FGF14: variants seen among roughly 807,000 people sequenced by gnomAD.
FGF14 encodes fibroblast growth factor homologous factor 4.
In FGF14, 5 loss-of-function variants were observed where a neutral mutation model predicts 25.5. The observed-to-expected ratio is 0.20, with a 90% CI of 0.10 to 0.41. FGF14 has a LOEUF of 0.41. FGF14 is among the 10% of genes least tolerant of loss of function. The pLI is 1.00. For synonymous variants in FGF14, 138 were observed against 118.3 expected (o/e 1.17, Z -1.08); for missense variants, 222 against 320.1 (o/e 0.69, Z 2.34).
At chr13:102,289,827 C>T (rs2054288863) in intron 1 of FGF14, among the ~76,000 whole-genome samples, 2 of 152,092 alleles carry the variant, frequency 1.3e-5, no homozygotes, top group African/African-American at 4.8e-5. Flanking sequence ...ATTTATGGTT[C>T]TCTTAATACC....
intron 3 of FGF14, among the ~76,000 whole-genome samples, chr13:101,788,965 G>GAGAGAGAGAGAT (rs2040073837): frequency 2.5e-5 from 2 of 80,602 alleles, no homozygotes; most frequent in Non-Finnish European, 5.6e-5. Context: ...GAGAGAGAGA[G>GAGAGAGAGAGAT]AGAGACAGAG....
intron 1 of FGF14, among the ~76,000 whole-genome samples, chr13:102,376,969 C>G (rs1163828952): frequency 2.0e-5 from 3 of 152,160 alleles, no homozygotes; most frequent in South Asian, 4.1e-4. Flanking sequence ...GAGAAATGCG[C>G]TTATTGGGCC....
intron 1 of FGF14, among the ~76,000 whole-genome samples, chr13:102,147,486 T>C (rs1380383636): frequency 1.3e-5 from 2 of 152,232 alleles, no homozygotes; most frequent in African/African-American, 4.8e-5. Flanking sequence ...AGAGCTTATG[T>C]GACACAAGGA....
At chr13:101,757,567 T>C (rs1177317216) in intron 3 of FGF14, among the ~76,000 whole-genome samples, 2 of 152,192 alleles carry the variant, frequency 1.3e-5, no homozygotes, top group African/African-American at 2.4e-5. Flanking sequence ...TAAACAGTTA[T>C]ACAATCCAAT....
rs76835892 is a variant in FGF14 at position 102,170,568 on chromosome 13, T to C, written c.208+230903A>G. On this transcript the variant is annotated intron_variant, in intron 1 of 4. Transcript: ENST00000376131. ...TTACAATCAGTTCAGTGCTGCAGTT[T>C]GGTGAAAGGCCGACAATGACCAAGG... is the stretch of plus-strand genomic sequence containing the variant. 4.3e-4 allele frequency among the ~76,000 whole-genome samples: 65 copies of C among 152,238 alleles called. 1 individual carries two copies. The East Asian group carries it at 0.011, about 26-fold the overall frequency.
intron 3 of FGF14, among the ~76,000 whole-genome samples, chr13:101,828,789 C>T (rs866274347): frequency 6.6e-6 from 1 of 152,026 alleles, no homozygotes; most frequent in Admixed American, 6.6e-5. Flanking sequence ...AAAGAAGGGA[C>T]ATGTATTTTT....
rs942128016 is a variant in FGF14 at position 101,714,742 on chromosome 13, A to C, written c.*8089T>G. The C allele has an allele frequency of 5.3e-6, 3 of 562,268 alleles. No homozygotes were observed. In the African/African-American group the frequency reaches 5.6e-5, roughly 11 times the overall value. The allele number at this position is 562,268 out of a possible 1,614,324, so 34.8% of individuals were successfully genotyped here. A position where few individuals can be genotyped will look rare whatever the true frequency, so the allele number is the denominator to read the frequency against. On this transcript the variant is annotated 3_prime_UTR_variant, in exon 5 of 5. Coordinates refer to ENST00000376143, the MANE Select transcript of FGF14 (RefSeq NM_004115.4). ...CTCACATTATTCCTAGGCATAGAAG[A>C]ATACAAGAGAATGAAGCTAAATTTT...
In FGF14 at chr13:102,183,651, C is replaced by T. The variant is rs9300717; in HGVS notation, c.208+217820G>A. 7.2e-5 allele frequency among the ~76,000 whole-genome samples: 11 copies of T among 152,212 alleles called. No individual in the cohort carries two copies. The South Asian group carries it at 1.7e-3, about 23-fold the overall frequency. Reference sequence around the variant, plus strand: ...GTGCACTTAACCTTTGCTCCCACCCCATGTGAGTCAGTCTGTGGGTCACAT... The same window carrying T: ...GTGCACTTAACCTTTGCTCCCACCCTATGTGAGTCAGTCTGTGGGTCACAT... On this transcript the variant is annotated intron_variant, in intron 1 of 4. Transcript: ENST00000376131.
At chr13:102,059,002 T>C (rs557402227) in intron 1 of FGF14, among the ~76,000 whole-genome samples, 23 of 151,810 alleles carry the variant, frequency 1.5e-4, no homozygotes, top group Non-Finnish European at 3.4e-4. Flanking sequence ...GTCACAAGTA[T>C]ATAGCTCCAT....
chr13:102,272,965 CAGA>C (rs1238083487), intron 1 of FGF14, among the ~76,000 whole-genome samples: 1 of 152,098 alleles, frequency 6.6e-6, no homozygotes, highest in Non-Finnish European at 1.5e-5. Flanking sequence ...CATGAGTTCA[CAGA>C]AGATTTTTTA....
intron 3 of FGF14, among the ~76,000 whole-genome samples, chr13:101,740,129 G>A (rs1164124084): frequency 6.6e-6 from 1 of 152,142 alleles, no homozygotes; most frequent in African/African-American, 2.4e-5. Flanking sequence ...GCCCTTCAAC[G>A]GGACAGAAAT....
intron 1 of FGF14, among the ~76,000 whole-genome samples, chr13:102,028,018 T>G (rs1374027521): frequency 6.6e-6 from 1 of 151,968 alleles, no homozygotes; most frequent in Non-Finnish European, 1.5e-5. Flanking sequence ...TTTGGTGTCC[T>G]TTCACTCCAC....
intron 1 of FGF14, among the ~76,000 whole-genome samples, chr13:102,025,008 C>G (rs2040853312): frequency 6.8e-6 from 1 of 148,046 alleles, no homozygotes; most frequent in South Asian, 2.1e-4. Flanking sequence ...TAAACACACA[C>G]AGACATGCAT....
At chr13:102,230,248 C>T (rs1419812757) in intron 1 of FGF14, among the ~76,000 whole-genome samples, 2 of 152,058 alleles carry the variant, frequency 1.3e-5, no homozygotes, top group African/African-American at 2.4e-5. Flanking sequence ...CTTGGACTTC[C>T]CAGTCTCTAG....
Position 102,046,840 on chromosome 13 carries a change from A to C in FGF14, c.209-171544T>G, listed in dbSNP as rs929583186. ...TTTGAAGCATAATTTCTACATTGATAATTTAGTTTAGAATAAATGTTGCTA... is the reference window on the plus strand; with the variant it reads ...TTTGAAGCATAATTTCTACATTGATCATTTAGTTTAGAATAAATGTTGCTA... On this transcript the variant is annotated intron_variant, in intron 1 of 4. Transcript: ENST00000376131. 2.0e-5 allele frequency among the ~76,000 whole-genome samples: 3 copies of C among 152,284 alleles called. No homozygotes were observed. The East Asian group carries it at 5.8e-4, about 29-fold the overall frequency.
chr13:101,866,283 T>C (rs959932220), intron 3 of FGF14, among the ~76,000 whole-genome samples: 1 of 152,120 alleles, frequency 6.6e-6, no homozygotes. Context: ...TTATAACTTC[T>C]TGTTAGAAAA....
chr13:102,296,339 G>C (rs1187080490), intron 1 of FGF14, among the ~76,000 whole-genome samples: 1 of 152,106 alleles, frequency 6.6e-6, no homozygotes, highest in Non-Finnish European at 1.5e-5. Context: ...AAAAGTATAA[G>C]ATTTTGAGTT....
At chr13:101,907,662 CAATT>C (rs1443897078) in intron 1 of FGF14, among the ~76,000 whole-genome samples, 3 of 152,042 alleles carry the variant, frequency 2.0e-5, no homozygotes, top group Non-Finnish European at 4.4e-5. Flanking sequence ...CAGTAACAGA[CAATT>C]AATTCAATAG....
At chr13:101,816,888 T>G (rs1224834887) in intron 3 of FGF14, among the ~76,000 whole-genome samples, 2 of 152,200 alleles carry the variant, frequency 1.3e-5, no homozygotes, top group African/African-American at 4.8e-5. Context: ...TTTTCTCTAT[T>G]GTAATGTTAA....
Sources: allele counts gnomAD v4.1 joint callset (sites outside exome capture counted in the v4.1 genomes callset), GRCh38; gene constraint gnomAD v4.1.1; transcripts MANE v1.5; gene names NCBI Gene and HGNC (gene_info 2026-07-23, HGNC 2026-07-21).